The following LRIG1 variants were observed in gnomAD, a reference collection of about 807,000 sequenced individuals.
LRIG1 encodes the protein leucine rich repeats and immunoglobulin like domains 1.
A neutral mutation model predicts 99.2 loss-of-function variants in LRIG1; 48 were observed. That is an observed-to-expected ratio of 0.48 (90% confidence interval 0.38 to 0.62). The LOEUF (loss-of-function observed/expected upper bound fraction) is 0.62. LRIG1 is among the 20% of genes least tolerant of loss of function. The pLI, the probability that LRIG1 is intolerant of heterozygous loss-of-function variation, is 0.00. For synonymous variants in LRIG1, 772 were observed against 596.1 expected, an observed-to-expected ratio of 1.29 and a Z score of -4.30; for missense variants, 1,646 against 1,434.4, an observed-to-expected ratio of 1.15 and a Z score of -2.38.
At chr3:66,484,937 T>G (rs993417331) in intron 1 of LRIG1, among the ~76,000 whole-genome samples, 4 of 152,150 alleles carry the variant, frequency 2.6e-5, no homozygotes, top group Non-Finnish European at 5.9e-5. Context: ...AGCGATTGCT[T>G]GAGCCCAGGT....
intron 4 of LRIG1, 55 bp from the exon 5 acceptor site, chr3:66,415,118 CATTATA>C: frequency 6.5e-7 from 1 of 1,535,624 alleles, no homozygotes; most frequent in Non-Finnish European, 8.8e-7. Flanking sequence ...TTCCTCATTT[CATTATA>C]GACACCAGAC....
At chr3:66,429,969 G>T (rs919911266) in intron 3 of LRIG1, among the ~76,000 whole-genome samples, 6 of 152,192 alleles carry the variant, frequency 3.9e-5, no homozygotes, top group Admixed American at 2.0e-4. Flanking sequence ...CGACTGGGTA[G>T]AATATAAACC....
chr3:66,411,363 C>A (rs1393354999), intron 6 of LRIG1, among the ~76,000 whole-genome samples: 2 of 152,204 alleles, frequency 1.3e-5, no homozygotes, highest in Non-Finnish European at 2.9e-5. Context: ...TCATCAGTCT[C>A]AATTTATACA....
At chr3:66,381,101 C>G (rs1416037052) in intron 17 of LRIG1, 2 of 591,820 alleles carry the variant, frequency 3.4e-6, no homozygotes, top group Non-Finnish European at 6.0e-6. Flanking sequence ...TGTAGTCTTA[C>G]TGCTTCACGG....
At chr3:66,446,950 C>T (rs546777932) in intron 3 of LRIG1, among the ~76,000 whole-genome samples, 20 of 11,666 alleles carry the variant, frequency 1.7e-3, no homozygotes, top group Admixed American at 0.016. Flanking sequence ...TTTTGGGGGG[C>T]GGGGTGGGTT....
chr3:66,383,509 G>T, intron 14 of LRIG1, 108 bp from the exon 15 acceptor site: 1 of 1,013,566 alleles, frequency 9.9e-7, no homozygotes. Context: ...AGATGCATCT[G>T]AGATTCTGTC....
rs1198121628 is a variant in LRIG1 at position 66,412,902 on chromosome 3, C to A, written c.760G>T (p.Ala254Ser). The part of the protein sequence containing the change: ...RNNISKLTDG[A>S]FWGLSKMHVL... Reference sequence around the variant, plus strand: ...TGCATCTTGGACAGTCCCCAGAAGGCCCCATCTGTCAGTTTGCTGATGTTG... The same window carrying A: ...TGCATCTTGGACAGTCCCCAGAAGGACCCATCTGTCAGTTTGCTGATGTTG... Residue 254 changes from alanine (A) to serine (S), a missense_variant, in exon 6 of 19, where the codon GCC (alanine) becomes TCC (serine). Transcript: ENST00000273261. The A allele has an allele frequency of 6.2e-7, 1 of 1,614,194 alleles. No individual in the cohort carries two copies.
intron 6 of LRIG1, among the ~76,000 whole-genome samples, chr3:66,411,870 G>A (rs1216418235): frequency 1.6e-5 from 2 of 124,384 alleles, no homozygotes; most frequent in Non-Finnish European, 3.2e-5. Flanking sequence ...ACAGAAAAAC[G>A]AAAAAGAGAA....
At chr3:66,392,235 G>C (rs1434576012) in intron 12 of LRIG1, among the ~76,000 whole-genome samples, 7 of 152,160 alleles carry the variant, frequency 4.6e-5, no homozygotes, top group Non-Finnish European at 8.8e-5. Flanking sequence ...TGGCCATTAT[G>C]AATAATGCTG....
At chr3:66,460,905 C>A (rs920995283) in intron 2 of LRIG1, among the ~76,000 whole-genome samples, 1 of 152,118 alleles carries the variant, frequency 6.6e-6, no homozygotes, top group Admixed American at 6.6e-5. Flanking sequence ...AAATTATAAA[C>A]GCCAATCTGG....
At chr3:66,381,991 G>A (rs373820560) in intron 16 of LRIG1, among the ~76,000 whole-genome samples, 83 of 152,288 alleles carry the variant, frequency 5.5e-4, no homozygotes, top group Middle Eastern at 3.4e-3. Context: ...TTCATGCACC[G>A]TAATGCCCTT....
intron 15 of LRIG1, 98 bp downstream of exon 15, chr3:66,382,884 G>T: frequency 1.8e-6 from 2 of 1,110,986 alleles, no homozygotes; most frequent in Non-Finnish European, 1.3e-6. Context: ...TCTGAACACA[G>T]TGCAATTCTT....
At chr3:66,471,671 G>A (rs1041797706) in intron 1 of LRIG1, among the ~76,000 whole-genome samples, 2 of 152,216 alleles carry the variant, frequency 1.3e-5, no homozygotes, top group African/African-American at 4.8e-5. Flanking sequence ...TGAAAACCAC[G>A]CTCTACTGCG....
At chr3:66,409,845 C>G (rs571679583) in intron 7 of LRIG1, 1 of 315,716 alleles carries the variant, frequency 3.2e-6, no homozygotes, top group East Asian at 5.7e-5. Flanking sequence ...GTCTCCAAAC[C>G]CAACAGGACC....
intron 3 of LRIG1, among the ~76,000 whole-genome samples, chr3:66,418,172 A>G (rs57188860): frequency 0.024 from 3,675 of 152,044 alleles, 155 homozygotes; most frequent in African/African-American, 0.083. Flanking sequence ...GCTCACTGCA[A>G]CCTCCGCCTC....
At chr3:66,419,483 G>A (rs752928144) in intron 3 of LRIG1, among the ~76,000 whole-genome samples, 1 of 152,150 alleles carries the variant, frequency 6.6e-6, no homozygotes, top group Non-Finnish European at 1.5e-5. Context: ...ACAGTGGCAG[G>A]GTCTGTGAGA....
rs141843401 is a variant in LRIG1, at chr3:66,417,181, T to A, written c.451A>T (p.Ile151Phe). 24 of 1,614,114 alleles carry A rather than the reference T, an allele frequency of 1.5e-5. No homozygotes were observed. Among genetic ancestry groups the A allele is most frequent in the Non-Finnish European group, 1.9e-5 (23 of 1,180,044 alleles). ...LEVLDLSLNN[I>F]TEVRNTCFPH... The stretch of plus-strand genomic sequence containing the variant: ...AAGCAGGTGTTCCGCACTTCCGTGA[T>A]GTTGTTCAAACTCAGATCTAACACT... The change falls in exon 4 of 19, where the codon ATC becomes TTC. Residue 151 changes from isoleucine to phenylalanine, a missense_variant. Coordinates refer to ENST00000273261, the MANE Select transcript of LRIG1 (RefSeq NM_015541.3).
At chr3:66,478,786 C>T (rs2106888406) in intron 1 of LRIG1, among the ~76,000 whole-genome samples, 1 of 152,228 alleles carries the variant, frequency 6.6e-6, no homozygotes, top group East Asian at 1.9e-4. Flanking sequence ...AGCTCACCAC[C>T]ACCCTCCTGT....
At chr3:66,488,412 C>G (rs1196216781) in intron 1 of LRIG1, among the ~76,000 whole-genome samples, 25 of 148,604 alleles carry the variant, frequency 1.7e-4, no homozygotes. Context: ...CACTTGAGGT[C>G]AGTCATGAGT....
Sources: gnomAD v4.1 joint callset for allele counts (sites outside exome capture counted in the v4.1 genomes callset) on GRCh38, gnomAD v4.1.1 for gene constraint, MANE v1.5 for transcripts, NCBI Gene and HGNC (gene_info 2026-07-23, HGNC 2026-07-21) for gene names.